Variants in KIAA0825 observed in about 807,000 individuals in gnomAD.
The protein encoded by KIAA0825 is uncharacterized protein KIAA0825.
KIAA0825 carries 119 observed loss-of-function variants against 147.6 expected under a neutral mutation model. That is an observed-to-expected ratio of 0.81 (90% CI 0.69 to 0.94). The LOEUF is 0.94. Among genes scored for constraint, KIAA0825 ranks in the 40% least tolerant of loss-of-function variants. The pLI is 0.00. For synonymous variants in KIAA0825, 470 were observed against 518.1 expected (o/e 0.91, Z 1.26); for missense variants, 1,381 against 1,472.7 (o/e 0.94, Z 1.02).
intron 1 of KIAA0825, among the ~76,000 whole-genome samples, chr5:94,610,787 G>GTATATA (rs374319650): frequency 1.1e-3 from 100 of 95,086 alleles, no homozygotes; most frequent in African/African-American, 3.9e-3. Context: ...AAAAAAAAAA[G>GTATATA]TATATATATA....
At chr5:94,583,888 A>G (rs1416456931) in intron 1 of KIAA0825, among the ~76,000 whole-genome samples, 1 of 152,192 alleles carries the variant, frequency 6.6e-6, no homozygotes, top group Non-Finnish European at 1.5e-5. Context: ...ACACAGGCGA[A>G]CAGGATCTGG....
intron 20 of KIAA0825, among the ~76,000 whole-genome samples, chr5:94,201,763 G>T (rs2150024930): frequency 6.6e-6 from 1 of 152,268 alleles, no homozygotes; most frequent in South Asian, 2.1e-4. Context: ...GAACCATTGT[G>T]ATCGGTATAG....
At chr5:94,418,120 T>C (rs534918027) in intron 14 of KIAA0825, among the ~76,000 whole-genome samples, 20 of 152,286 alleles carry the variant, frequency 1.3e-4, no homozygotes, top group Admixed American at 5.2e-4. Context: ...AAACAACATA[T>C]TTGTTGGGTT....
At chr5:94,582,232 T>G (rs946082666) in intron 2 of KIAA0825, among the ~76,000 whole-genome samples, 8 of 152,036 alleles carry the variant, frequency 5.3e-5, no homozygotes, top group African/African-American at 1.9e-4. Flanking sequence ...GAAGACTTGG[T>G]TAAAAATCAA....
chr5:94,180,561 G>GGTATTTGGCTGAA (rs1769520932), intron 20 of KIAA0825, among the ~76,000 whole-genome samples: 1 of 151,940 alleles, frequency 6.6e-6, no homozygotes, highest in Non-Finnish European at 1.5e-5. Context: ...TTAACATAAG[G>GGTATTTGGCTGAA]GGACTTTGGC....
chr5:94,373,870 A>G (rs763662263), intron 20 of KIAA0825, among the ~76,000 whole-genome samples: 3 of 152,216 alleles, frequency 2.0e-5, no homozygotes. Flanking sequence ...ATCTTCAAAG[A>G]GATAATTTCC....
chr5:94,220,223 ACT>A (rs1773562714), intron 20 of KIAA0825, among the ~76,000 whole-genome samples: 1 of 152,154 alleles, frequency 6.6e-6, no homozygotes, highest in East Asian at 1.9e-4. Context: ...CATCAATATC[ACT>A]GTCTTCCACT....
intron 20 of KIAA0825, among the ~76,000 whole-genome samples, chr5:94,205,757 G>A (rs1772139854): frequency 6.6e-6 from 1 of 152,094 alleles, no homozygotes; most frequent in African/African-American, 2.4e-5. Flanking sequence ...CCACTGCTAT[G>A]TAGCCAGTGC....
intron 16 of KIAA0825, among the ~76,000 whole-genome samples, chr5:94,397,283 TTGTGTCCTA>T (rs1378824067): frequency 6.6e-6 from 1 of 152,232 alleles, no homozygotes; most frequent in Non-Finnish European, 1.5e-5. Flanking sequence ...CTTTGCTTCT[TTGTGTCCTA>T]TGCTATTTCC....
chr5:94,424,039 CT>C (rs1562483504), intron 14 of KIAA0825, among the ~76,000 whole-genome samples: 1 of 152,158 alleles, frequency 6.6e-6, no homozygotes, highest in East Asian at 1.9e-4. Flanking sequence ...ATTAATATAA[CT>C]TTTTTTACAC....
intron 14 of KIAA0825, among the ~76,000 whole-genome samples, chr5:94,435,834 T>A (rs1756293641): frequency 6.6e-6 from 1 of 152,218 alleles, no homozygotes; most frequent in Non-Finnish European, 1.5e-5. Flanking sequence ...TGAGATAGTA[T>A]CTCATTGTAG....
chr5:94,516,965 T>C (rs559502931), intron 5 of KIAA0825, among the ~76,000 whole-genome samples: 1 of 151,758 alleles, frequency 6.6e-6, no homozygotes, highest in South Asian at 2.1e-4. Context: ...CCGGGCATGG[T>C]AGTGCATGCC....
rs144678976 is a variant in KIAA0825 at position 94,451,480 on chromosome 5, A to G, written c.2357+1479T>C. ...TACTAAACTGCCCTCATGAATTTGCATAAAATTTCATTTCCACTATGAGCT... is the reference window on the plus strand; with the variant it reads ...TACTAAACTGCCCTCATGAATTTGCGTAAAATTTCATTTCCACTATGAGCT... On this transcript the variant is annotated intron_variant, in intron 13 of 20. Coordinates refer to ENST00000682413, the MANE Select transcript of KIAA0825 (RefSeq NM_001145678.3). Among the ~76,000 whole-genome samples, 324 of 152,342 alleles carry G rather than the reference A, an allele frequency of 2.1e-3. 1 individual carries two copies. The highest frequency in any genetic ancestry group is 7.3e-3 in the African/African-American group (305 of 41,574).
chr5:94,401,792 T>C (rs1367357058), intron 16 of KIAA0825, among the ~76,000 whole-genome samples: 2 of 152,222 alleles, frequency 1.3e-5, no homozygotes, highest in Non-Finnish European at 2.9e-5. Context: ...TACTTAGGTT[T>C]ATCTCTGCTC....
chr5:94,430,915 T>C (rs1370782457), intron 14 of KIAA0825, among the ~76,000 whole-genome samples: 1 of 152,160 alleles, frequency 6.6e-6, no homozygotes, highest in Non-Finnish European at 1.5e-5. Flanking sequence ...CTTGAGAATA[T>C]TTACTTGGTC....
chr5:94,502,276 A>C (rs1765187837), intron 5 of KIAA0825, among the ~76,000 whole-genome samples: 1 of 152,138 alleles, frequency 6.6e-6, no homozygotes, highest in Non-Finnish European at 1.5e-5. Flanking sequence ...AAAAATTAAT[A>C]TTTTTCTAAA....
intron 1 of KIAA0825, among the ~76,000 whole-genome samples, chr5:94,598,815 C>G (rs1440182902): frequency 6.6e-6 from 1 of 152,012 alleles, no homozygotes; most frequent in Non-Finnish European, 1.5e-5. Flanking sequence ...TTTAGTTGAC[C>G]AAAATGTCGT....
chr5:94,294,737 T>C, intron 20 of KIAA0825, among the ~76,000 whole-genome samples: 1 of 152,148 alleles, frequency 6.6e-6, no homozygotes, highest in East Asian at 1.9e-4. Flanking sequence ...AAAAGAATGT[T>C]GAATATTGGC....
chr5:94,432,133 C>T (rs187678889), intron 14 of KIAA0825, among the ~76,000 whole-genome samples: 3 of 152,302 alleles, frequency 2.0e-5, no homozygotes, highest in African/African-American at 7.2e-5. Flanking sequence ...GTTACGAGGA[C>T]AAGCCACATA....
Sources: allele counts gnomAD v4.1 joint callset (sites outside exome capture counted in the v4.1 genomes callset), GRCh38; gene constraint gnomAD v4.1.1; transcripts MANE v1.5; gene names NCBI Gene and HGNC (gene_info 2026-07-23, HGNC 2026-07-21).